Variants in FCHSD2 observed in about 807,000 individuals in gnomAD.
FCHSD2 encodes FCH and double SH3 domains 2.
A neutral mutation model predicts 108.1 loss-of-function variants in FCHSD2; 38 were observed. That is an observed-to-expected ratio of 0.35 (90% CI 0.27 to 0.46). The LOEUF is 0.46. FCHSD2 is among the 20% of genes least tolerant of loss of function. The pLI is 1.00. For missense variants in FCHSD2, 751 were observed against 897.8 expected (o/e 0.84, Z 2.09); for synonymous variants, 279 against 314.7 (o/e 0.89, Z 1.20).
rs562259604 is a variant in FCHSD2, at chr11:72,999,244, T to C, written c.387+1746A>G. On this transcript the variant is annotated intron_variant, in intron 5 of 19. Coordinates refer to ENST00000409418, the MANE Select transcript of FCHSD2 (RefSeq NM_014824.3). ...ATTTAACAATTGCTTAGATGTAACATAGATCATCAGCAATAATATAAAACA... is the reference window on the plus strand; with the variant it reads ...ATTTAACAATTGCTTAGATGTAACACAGATCATCAGCAATAATATAAAACA... Among the ~76,000 whole-genome samples the C allele has an allele frequency of 3.3e-5, 5 of 151,770 alleles. No individual in the cohort carries two copies. The East Asian group carries it at 9.7e-4, about 29-fold the overall frequency.
intron 6 of FCHSD2, among the ~76,000 whole-genome samples, chr11:72,985,912 G>A (rs1386792090): frequency 1.3e-5 from 2 of 152,124 alleles, no homozygotes; most frequent in Non-Finnish European, 2.9e-5. Flanking sequence ...AAGCTGCAAT[G>A]TTTGTCCTGA....
intron 13 of FCHSD2, among the ~76,000 whole-genome samples, chr11:72,856,174 T>C (rs1452177061): frequency 1.3e-5 from 2 of 152,166 alleles, no homozygotes; most frequent in Non-Finnish European, 2.9e-5. Flanking sequence ...CTTTGATGGA[T>C]AGAAAACGAA....
chr11:73,081,576 G>C (rs1859687446), intron 3 of FCHSD2, among the ~76,000 whole-genome samples: 1 of 151,622 alleles, frequency 6.6e-6, no homozygotes, highest in Non-Finnish European at 1.5e-5. Flanking sequence ...GCCCAGGCTG[G>C]AGTCCAATGG....
intron 3 of FCHSD2, among the ~76,000 whole-genome samples, chr11:73,046,297 A>C (rs973320805): frequency 2.0e-5 from 3 of 152,148 alleles, no homozygotes; most frequent in Non-Finnish European, 4.4e-5. Flanking sequence ...CAGCCTCTGT[A>C]AGAATTTTTG....
intron 2 of FCHSD2, among the ~76,000 whole-genome samples, chr11:73,125,563 G>A (rs1004394112): frequency 1.3e-5 from 2 of 152,082 alleles, no homozygotes; most frequent in Non-Finnish European, 2.9e-5. Flanking sequence ...AAATTAGCCA[G>A]GCATAGTGGC....
At chr11:72,853,098 T>C (rs1384777644) in intron 13 of FCHSD2, among the ~76,000 whole-genome samples, 2 of 152,002 alleles carry the variant, frequency 1.3e-5, no homozygotes, top group Non-Finnish European at 2.9e-5. Flanking sequence ...ATGACACGAG[T>C]TTACCTATAT....
chr11:73,073,693 A>C (rs1202111340), intron 3 of FCHSD2, among the ~76,000 whole-genome samples: 1 of 152,240 alleles, frequency 6.6e-6, no homozygotes, highest in Admixed American at 6.5e-5. Flanking sequence ...ATAATTCTAT[A>C]AAATTATTCT....
chr11:72,870,849 G>T (rs146714169), intron 12 of FCHSD2, among the ~76,000 whole-genome samples: 2 of 128,000 alleles, frequency 1.6e-5, no homozygotes, highest in Non-Finnish European at 3.1e-5. Flanking sequence ...TCAGTGAGCC[G>T]AGATTGCGCC....
chr11:73,116,032 TCAC>T (rs2135551828), intron 2 of FCHSD2, among the ~76,000 whole-genome samples: 1 of 152,374 alleles, frequency 6.6e-6, no homozygotes, highest in Non-Finnish European at 1.5e-5. Flanking sequence ...TCTTAAAACA[TCAC>T]CACTAAATAT....
At chr11:73,084,907 T>C (rs2135515825) in intron 2 of FCHSD2, among the ~76,000 whole-genome samples, 1 of 150,606 alleles carries the variant, frequency 6.6e-6, no homozygotes, top group East Asian at 2.0e-4. Context: ...GAATCGGTGC[T>C]CTTAAAATCA....
intron 11 of FCHSD2, 58 bp downstream of exon 11, chr11:72,889,771 T>TA: frequency 1.0e-6 from 1 of 965,306 alleles, no homozygotes; most frequent in South Asian, 1.4e-5. Context: ...CTCAGTTCCT[T>TA]AAACTGTTTG....
At chr11:73,001,242 T>C in intron 4 of FCHSD2, 108 bp from the exon 5 acceptor site, 1 of 890,784 alleles carries the variant, frequency 1.1e-6, no homozygotes, top group Non-Finnish European at 1.8e-6. Context: ...ATGTCTTCTT[T>C]AATGTATTTA....
intron 14 of FCHSD2, chr11:72,843,823 CAATA>C (rs1345462744): frequency 8.5e-5 from 24 of 283,034 alleles, no homozygotes; most frequent in South Asian, 3.3e-4. Context: ...CCATCTCTAC[CAATA>C]AATAAATAAA....
intron 8 of FCHSD2, among the ~76,000 whole-genome samples, chr11:72,935,556 C>T (rs1347379484): frequency 6.6e-6 from 1 of 152,152 alleles, no homozygotes; most frequent in Non-Finnish European, 1.5e-5. Context: ...AACAGACTGC[C>T]TCCTTGCTTT....
intron 2 of FCHSD2, among the ~76,000 whole-genome samples, chr11:73,085,137 C>T (rs192263780): frequency 1.3e-5 from 2 of 152,154 alleles, no homozygotes; most frequent in Non-Finnish European, 2.9e-5. Context: ...AAATAACAAA[C>T]GGAAGAAGTT....
At chr11:73,031,889 G>T (rs1858369358) in intron 3 of FCHSD2, among the ~76,000 whole-genome samples, 1 of 152,212 alleles carries the variant, frequency 6.6e-6, no homozygotes, top group Non-Finnish European at 1.5e-5. Flanking sequence ...TGTATTAGAT[G>T]CTGGGGGAAT....
chr11:73,071,443 G>A (rs1446445921), intron 3 of FCHSD2, among the ~76,000 whole-genome samples: 3 of 151,734 alleles, frequency 2.0e-5, no homozygotes, highest in East Asian at 1.9e-4. Flanking sequence ...TGTAATCCCA[G>A]CACCTTGAGA....
chr11:72,955,628 C>T lies in FCHSD2; in HGVS notation c.705+28460G>A, dbSNP rs961543146. Among the ~76,000 whole-genome samples the T allele has an allele frequency of 2.0e-5, 3 of 152,122 alleles. No homozygotes were observed. In the East Asian group the frequency reaches 5.8e-4, roughly 29 times the overall value. On this transcript the variant is annotated intron_variant, in intron 8 of 19. Transcript: ENST00000409418. ...CTATTCAGGAGCCCACTAAGAGTTA[C>T]TTCATTAAGACAAGATTCTCCTATG...
intron 11 of FCHSD2, among the ~76,000 whole-genome samples, chr11:72,887,893 T>C (rs1178931417): frequency 6.6e-6 from 1 of 152,200 alleles, no homozygotes; most frequent in African/African-American, 2.4e-5. Flanking sequence ...TCTTGTTCTA[T>C]GGCATTAAGT....
Sources: allele counts gnomAD v4.1 joint callset (sites outside exome capture counted in the v4.1 genomes callset), GRCh38; gene constraint gnomAD v4.1.1; transcripts MANE v1.5; gene names NCBI Gene and HGNC (gene_info 2026-07-23, HGNC 2026-07-21).